Variants in ZFHX3 observed in about 807,000 individuals in gnomAD.
ZFHX3 encodes the protein zinc finger homeobox 3.
In ZFHX3, 42 loss-of-function variants were observed where a neutral mutation model predicts 279.1. The ratio of observed to expected loss-of-function variants is 0.15; its 90% CI spans 0.12 to 0.19. The LOEUF is 0.19. Among genes scored for constraint, ZFHX3 ranks in the 10% least tolerant of loss-of-function variants. ZFHX3 has a pLI of 1.00. For synonymous variants in ZFHX3, 2,293 were observed against 1,957.8 expected (o/e 1.17, Z -4.52); for missense variants, 4,981 against 4,754.0 (o/e 1.05, Z -1.40).
intron 3 of ZFHX3, among the ~76,000 whole-genome samples, chr16:73,369,599 G>C (rs2016587975): frequency 1.3e-5 from 2 of 152,120 alleles, no homozygotes; most frequent in Admixed American, 6.5e-5. Flanking sequence ...GAAAAAGTCC[G>C]GCTCCACCAC....
chr16:73,367,818 A>G (rs900290454), intron 3 of ZFHX3, among the ~76,000 whole-genome samples: 1 of 152,044 alleles, frequency 6.6e-6, no homozygotes, highest in Non-Finnish European at 1.5e-5. Context: ...ACAAGATACA[A>G]GCACGTAGTA....
chr16:73,408,148 G>A (rs1299449977), intron 3 of ZFHX3, among the ~76,000 whole-genome samples: 1 of 151,948 alleles, frequency 6.6e-6, no homozygotes, highest in Non-Finnish European at 1.5e-5. Flanking sequence ...TTTGGCCTGG[G>A]ACCCAAACAG....
At chr16:73,522,633 C>G (rs983078397) in intron 2 of ZFHX3, among the ~76,000 whole-genome samples, 1 of 152,160 alleles carries the variant, frequency 6.6e-6, no homozygotes, top group African/African-American at 2.4e-5. Context: ...GCAAGAGGGC[C>G]TAGGGATCCT....
intron 2 of ZFHX3, among the ~76,000 whole-genome samples, chr16:73,641,239 T>C (rs1205379877): frequency 6.6e-6 from 1 of 151,846 alleles, no homozygotes; most frequent in African/African-American, 2.4e-5. Context: ...CAAGAAAGCA[T>C]AAAATCCAGG....
In ZFHX3 at chr16:72,958,000, C is replaced by G. The variant is rs750134476; in HGVS notation, c.2146G>C (p.Gly716Arg). ...TTGTAACCACACGTGTAGCTCTCGC[C>G]TCGTGCCAGCCGGGGGTGGGGCTGC... ...SGQPHPRLAR[G>R]ESYTCGYKPF... The change falls in exon 2 of 10, where the codon GGC (glycine) becomes CGC (arginine). Residue 716 changes from glycine to arginine, a missense_variant. By Grantham distance (125) the Gly-to-Arg change is moderately radical. Around this residue, in one of 7 missense-constraint regions of ZFHX3, gnomAD observed 39 missense variants for 68.2 expected, o/e 0.57. Coordinates refer to ENST00000268489, the MANE Select transcript of ZFHX3 (RefSeq NM_006885.4). 1.2e-6 allele frequency: 2 copies of G among 1,609,390 alleles called. No homozygotes were observed. The highest frequency in any genetic ancestry group is 2.2e-5 in the South Asian group (2 of 90,632).
chr16:73,876,210 T>C (rs973305303), intron 1 of ZFHX3, among the ~76,000 whole-genome samples: 3 of 152,196 alleles, frequency 2.0e-5, no homozygotes, highest in Non-Finnish European at 4.4e-5. Flanking sequence ...ATCAGGTTTA[T>C]GTTTCTGGAA....
At chr16:73,692,541 T>C (rs2053159350) in intron 1 of ZFHX3, among the ~76,000 whole-genome samples, 1 of 152,222 alleles carries the variant, frequency 6.6e-6, no homozygotes, top group African/African-American at 2.4e-5. Context: ...TCCAACACAG[T>C]AACAAAGGTT....
At chr16:73,158,034 G>C (rs1342389335) in intron 5 of ZFHX3, among the ~76,000 whole-genome samples, 2 of 152,138 alleles carry the variant, frequency 1.3e-5, no homozygotes. Flanking sequence ...GACAGGAAAG[G>C]GAGGGTCACA....
chr16:73,070,840 T>G (rs1261184720), intron 8 of ZFHX3, among the ~76,000 whole-genome samples: 1 of 149,714 alleles, frequency 6.7e-6, no homozygotes, highest in African/African-American at 2.5e-5. Context: ...CTTCCACCAC[T>G]TATTTCTCTG....
intron 4 of ZFHX3, among the ~76,000 whole-genome samples, chr16:73,305,746 AG>A (rs2015166116): frequency 6.6e-6 from 1 of 151,834 alleles, no homozygotes; most frequent in Non-Finnish European, 1.5e-5. Context: ...ACGGTGGGCG[AG>A]GTGCCCAGGA....
At chr16:73,488,087 G>C (rs982316531) in intron 2 of ZFHX3, among the ~76,000 whole-genome samples, 1 of 152,166 alleles carries the variant, frequency 6.6e-6, no homozygotes, top group African/African-American at 2.4e-5. Context: ...CTTCTAATTT[G>C]GGGGGTGATT....
At chr16:73,588,623 G>A (rs1420671700) in intron 2 of ZFHX3, among the ~76,000 whole-genome samples, 4 of 150,952 alleles carry the variant, frequency 2.6e-5, no homozygotes, top group South Asian at 2.1e-4. Flanking sequence ...CTGGGAGGCC[G>A]AGCTTGCAGT....
chr16:73,408,814 T>C (rs2017412735), intron 3 of ZFHX3, among the ~76,000 whole-genome samples: 1 of 152,060 alleles, frequency 6.6e-6, no homozygotes, highest in Non-Finnish European at 1.5e-5. Context: ...CTCAGGTGTT[T>C]GGTCCTCTCC....
intron 5 of ZFHX3, among the ~76,000 whole-genome samples, chr16:72,818,710 G>C (rs2036690556): frequency 6.6e-6 from 1 of 152,184 alleles, no homozygotes; most frequent in Non-Finnish European, 1.5e-5. Context: ...AATCAAAGAA[G>C]CAGAATCTGT....
intron 6 of ZFHX3, among the ~76,000 whole-genome samples, chr16:73,141,552 C>T (rs1239140452): frequency 1.3e-5 from 2 of 152,002 alleles, no homozygotes; most frequent in Non-Finnish European, 2.9e-5. Context: ...TGTGCTCCAC[C>T]GTGTAGGGCT....
intron 5 of ZFHX3, among the ~76,000 whole-genome samples, chr16:73,231,831 T>C (rs979412572): frequency 6.6e-6 from 1 of 152,188 alleles, no homozygotes; most frequent in South Asian, 2.1e-4. Context: ...GCTCTCTACA[T>C]AGGCTCCAAA....
chr16:73,573,445 G>A (rs986416219), intron 2 of ZFHX3, among the ~76,000 whole-genome samples: 1 of 152,158 alleles, frequency 6.6e-6, no homozygotes, highest in African/African-American at 2.4e-5. Flanking sequence ...CACAGGAAAA[G>A]AGCAGGAGTT....
chr16:72,787,039 C>CTTTT lies in ZFHX3; in HGVS notation c.*121_*124dup, dbSNP rs76239888. 1.1e-4 allele frequency: 78 copies of CTTTT among 684,904 alleles called. No individual in the cohort carries two copies. Among genetic ancestry groups the CTTTT allele is most frequent in the African/African-American group, 8.8e-4 (35 of 39,570 alleles). 42.4% of individuals were successfully genotyped at this position (684,904 alleles called of 1,614,324 possible). A position where few individuals can be genotyped will look rare whatever the true frequency, so the allele number is the denominator to read the frequency against. On this transcript the variant is annotated 3_prime_UTR_variant, in exon 10 of 10. Coordinates refer to ENST00000268489, the MANE Select transcript of ZFHX3 (RefSeq NM_006885.4). ...ACAACCCACGCTTTTTCTTTTTTTTCTTTTTTTTTTTTTTTTTGTTTTTTG... is the reference window on the plus strand; with the variant it reads ...ACAACCCACGCTTTTTCTTTTTTTTCTTTTTTTTTTTTTTTTTTTTTGTTTTTTG...
At chr16:73,173,002 T>G (rs1259195623) in intron 5 of ZFHX3, among the ~76,000 whole-genome samples, 36 of 60,890 alleles carry the variant, frequency 5.9e-4, no homozygotes, top group Admixed American at 1.8e-3. Context: ...TTTTGTTTTT[T>G]TTTTTGTTTT....
Sources: allele counts gnomAD v4.1 joint callset (sites outside exome capture counted in the v4.1 genomes callset), GRCh38; gene constraint gnomAD v4.1.1; regional missense constraint gnomAD v4.1.1; transcripts MANE v1.5; gene names NCBI Gene and HGNC (gene_info 2026-07-23, HGNC 2026-07-21).